Variants in ATP2B3 observed in about 807,000 individuals in gnomAD.
The protein encoded by ATP2B3 is ATPase plasma membrane Ca2+ transporting 3.
ATP2B3 carries 12 observed loss-of-function variants against 70.8 expected under a neutral mutation model. The ratio of observed to expected loss-of-function variants is 0.17; its 90% CI spans 0.11 to 0.27. The LOEUF (loss-of-function observed/expected upper bound fraction) is 0.27, where lower values mean the gene tolerates loss of function less well. ATP2B3 is among the 10% of genes least tolerant of loss of function. ATP2B3 has a pLI of 1.00. For missense variants in ATP2B3, 858 were observed against 1,118.5 expected, an observed-to-expected ratio of 0.77 and a Z score of 3.32; for synonymous variants, 460 against 497.8, an observed-to-expected ratio of 0.92 and a Z score of 1.01.
In ATP2B3 at chrX:153,523,294, G is replaced by A. The variant is rs147271767; in HGVS notation, c.-127+4743G>A. 4.3e-3 allele frequency among the ~76,000 whole-genome samples: 481 copies of A among 112,508 alleles called. 4 individuals carry two copies. Among genetic ancestry groups the A allele is most frequent in the African/African-American group, 0.014 (435 of 30,989 alleles). ...CCAAGCACCCGGGATGTATCAGGCG[G>A]CCTTCAGTAATTACAATTTTTAATG... On this transcript the variant is annotated intron_variant, in intron 2 of 21. Coordinates refer to ENST00000263519, the MANE Select transcript of ATP2B3 (RefSeq NM_001001344.3).
At chrX:153,571,365 A>G (rs1557019920) in intron 21 of ATP2B3, among the ~76,000 whole-genome samples, 1 of 111,934 alleles carries the variant, frequency 8.9e-6, no homozygotes, top group East Asian at 2.8e-4. Context: ...TCTCTTTGCC[A>G]TCTCTCTCTG....
chrX:153,563,468 G>A (rs1414902187), intron 20 of ATP2B3, among the ~76,000 whole-genome samples: 2 of 111,874 alleles, frequency 1.8e-5, no homozygotes, highest in Non-Finnish European at 3.8e-5. Flanking sequence ...TCTCTGTGCC[G>A]GCCACAGGGG....
chrX:153,530,786 G>A (rs916996330), intron 2 of ATP2B3, among the ~76,000 whole-genome samples: 5 of 109,496 alleles, frequency 4.6e-5, no homozygotes, highest in African/African-American at 1.7e-4. Flanking sequence ...CAGGAACAGG[G>A]GGAGGAAGGA....
chrX:153,558,161 C>T lies in ATP2B3; in HGVS notation c.2483C>T (p.Thr828Ile). 1 of 1,211,485 alleles carries T rather than the reference C, an allele frequency of 8.3e-7. No homozygotes were observed. The highest frequency in any genetic ancestry group is 1.1e-6 in the Non-Finnish European group (1 of 895,422). ...AAGGAGGCCTCCGACATCATCCTGA[C>T]CGATGACAACTTCACCAGCATCGTC... ...VAKEASDIIL[T>I]DDNFTSIVKA... The change falls in exon 17 of 22, where the codon ACC becomes ATC. Residue 828 changes from threonine to isoleucine, a missense_variant. By Grantham distance (89) the Thr-to-Ile change is moderately conservative. Transcript: ENST00000263519.
At chrX:153,539,290 G>A (rs1211813826) in intron 3 of ATP2B3, among the ~76,000 whole-genome samples, 1 of 112,490 alleles carries the variant, frequency 8.9e-6, no homozygotes, top group Non-Finnish European at 1.9e-5. Flanking sequence ...ATTGGGGCAG[G>A]CTCGGGCCTC....
Position 153,548,760 on chromosome X carries a change from T to C in ATP2B3, c.1244T>C (p.Val415Ala). The change falls in exon 10 of 22, where the codon GTG (valine) becomes GCG (alanine). Residue 415 changes from valine (V) to alanine (A), a missense_variant. Transcript: ENST00000263519. ...ACGCCGGTCTATGTACAATACTTCG[T>C]GAAGTTCTTCATCATTGGTGTCACT... ...ECTPVYVQYFVKFFIIGVTVL... is the reference protein window; with the variant it reads ...ECTPVYVQYFAKFFIIGVTVL... The C allele has an allele frequency of 8.3e-7, 1 of 1,211,916 alleles. No homozygotes were observed. Among genetic ancestry groups the C allele is most frequent in the Non-Finnish European group, 1.1e-6 (1 of 895,542 alleles).
chrX:153,557,330 A>G (rs1158026266), intron 16 of ATP2B3, among the ~76,000 whole-genome samples: 1 of 111,825 alleles, frequency 8.9e-6, no homozygotes, highest in Admixed American at 9.4e-5. Flanking sequence ...TCCTCTCTAA[A>G]TGGACTCTCA....
At chrX:153,527,725 G>A (rs185364208) in intron 2 of ATP2B3, among the ~76,000 whole-genome samples, 25 of 112,554 alleles carry the variant, frequency 2.2e-4, no homozygotes, top group African/African-American at 7.7e-4. Context: ...AGAGGCACAT[G>A]GGTTCAGCCC....
At chrX:153,518,121 C>A (rs1556996721) in intron 1 of ATP2B3, among the ~76,000 whole-genome samples, 2 of 112,308 alleles carry the variant, frequency 1.8e-5, no homozygotes, top group African/African-American at 6.4e-5. Context: ...CCCTGCGCCC[C>A]GCATCGCGCG....
intron 2 of ATP2B3, among the ~76,000 whole-genome samples, chrX:153,528,778 T>C (rs2090071506): frequency 9.0e-6 from 1 of 111,707 alleles, no homozygotes; most frequent in Non-Finnish European, 1.9e-5. Context: ...GCCGCACCTG[T>C]CCCCACATCA....
rs80200133 is a variant in ATP2B3 at position 153,570,171 on chromosome X, G to A, written c.3342+5068G>A. On this transcript the variant is annotated intron_variant, in intron 21 of 21. Transcript: ENST00000263519. ...CAGGGCAGCACGCGGGCTCAGGGCC[G>A]CCTTCCCGGGGCTGGAGGGGTGGCG... Among the ~76,000 whole-genome samples, 12 of 112,617 alleles carry A rather than the reference G, an allele frequency of 1.1e-4. No homozygotes were observed. In the East Asian group the frequency reaches 2.2e-3, roughly 21 times the overall value.
At chrX:153,535,791 G>A (rs1171347414) in intron 2 of ATP2B3, among the ~76,000 whole-genome samples, 3 of 112,901 alleles carry the variant, frequency 2.7e-5, no homozygotes, top group African/African-American at 9.7e-5. Context: ...GTGGGTTCCC[G>A]AATGGATCTG....
rs181444070 is a variant in ATP2B3 at position 153,525,137 on chromosome X, G to A, written c.-127+6586G>A. Among the ~76,000 whole-genome samples the A allele has an allele frequency of 2.4e-3, 264 of 112,334 alleles. 3 individuals carry two copies. Among genetic ancestry groups the A allele is most frequent in the African/African-American group, 8.3e-3 (258 of 30,952 alleles). ...CAAAGCCGGCAGTACAAGAGAGCGC[G>A]GGAGATTGGGAAGCCACTGTGGGCC... On this transcript the variant is annotated intron_variant, in intron 2 of 21. Coordinates refer to ENST00000263519, the MANE Select transcript of ATP2B3 (RefSeq NM_001001344.3).
chrX:153,530,716 T>C (rs782119042), intron 2 of ATP2B3, among the ~76,000 whole-genome samples: 3 of 108,342 alleles, frequency 2.8e-5, no homozygotes, highest in Non-Finnish European at 5.8e-5. Context: ...GTGATGGCTA[T>C]TGTTTTTGCC....
intron 2 of ATP2B3, among the ~76,000 whole-genome samples, chrX:153,520,736 C>T (rs1333581267): frequency 3.6e-5 from 4 of 112,409 alleles, no homozygotes; most frequent in African/African-American, 1.3e-4. Context: ...CATCAGGCTC[C>T]GGAGTCTGGT....
rs782289059 is a variant in ATP2B3 at position 153,541,849 on chromosome X, C to T, written c.587C>T (p.Thr196Met). ...QSRIEQEQKF[T>M]VIRNGQLLQV... Reference sequence around the variant, plus strand: ...CGAATTGAGCAGGAGCAGAAGTTCACGGTCATCCGGAACGGGCAGCTCCTC... The same window carrying T: ...CGAATTGAGCAGGAGCAGAAGTTCATGGTCATCCGGAACGGGCAGCTCCTC... Residue 196 changes from threonine (T) to methionine (M), a missense_variant, in exon 5 of 22, where the codon ACG becomes ATG. Transcript: ENST00000263519. The T allele has an allele frequency of 7.0e-5, 85 of 1,209,787 alleles. No homozygotes were observed. The highest frequency in any genetic ancestry group is 8.3e-5 in the Non-Finnish European group (74 of 895,199).
intron 7 of ATP2B3, among the ~76,000 whole-genome samples, chrX:153,544,132 C>T (rs2090329736): frequency 8.9e-6 from 1 of 112,457 alleles, no homozygotes; most frequent in Admixed American, 9.3e-5. Flanking sequence ...GGCACCAAGT[C>T]CTGTAGGGCT....
At chrX:153,531,784 G>A (rs1234463066) in intron 2 of ATP2B3, among the ~76,000 whole-genome samples, 1 of 112,835 alleles carries the variant, frequency 8.9e-6, no homozygotes, top group Non-Finnish European at 1.9e-5. Context: ...GGGGATATAT[G>A]TCCACGCAGA....
At chrX:153,575,523 G>A (rs1697931394) in intron 21 of ATP2B3, among the ~76,000 whole-genome samples, 1 of 112,260 alleles carries the variant, frequency 8.9e-6, no homozygotes, top group African/African-American at 3.2e-5. Context: ...CACAGCCAGT[G>A]GAGGGCTTGT....
Sources: gnomAD v4.1 joint callset for allele counts (sites outside exome capture counted in the v4.1 genomes callset) on GRCh38, gnomAD v4.1.1 for gene constraint, MANE v1.5 for transcripts, NCBI Gene and HGNC (gene_info 2026-07-23, HGNC 2026-07-21) for gene names.